HACE1: variants seen among roughly 807,000 people sequenced by gnomAD.
HACE1 encodes E3 ubiquitin-protein ligase HACE1.
Under a neutral mutation model 118.4 loss-of-function variants are expected in HACE1, and 73 were observed. That is an observed-to-expected ratio of 0.62 (90% CI 0.51 to 0.75). The LOEUF is 0.75. Ranked by LOEUF, HACE1 falls within the 30% of genes least tolerant of loss-of-function variation. The probability of loss-of-function intolerance (pLI) is 0.00; values close to 1 mark genes in which losing one functional copy is unlikely to be tolerated. For missense variants in HACE1, 749 were observed against 1,102.2 expected, an observed-to-expected ratio of 0.68 and a Z score of 4.54; for synonymous variants, 368 against 374.8, an observed-to-expected ratio of 0.98 and a Z score of 0.21.
chr6:104,746,120 A>C (rs1022576134), intron 20 of HACE1, among the ~76,000 whole-genome samples: 1 of 152,250 alleles, frequency 6.6e-6, no homozygotes, highest in Non-Finnish European at 1.5e-5. Context: ...TTAGTTTTTC[A>C]AATGTTCTCT....
chr6:104,809,432 T>G (rs1029276445), intron 7 of HACE1, among the ~76,000 whole-genome samples: 2 of 152,086 alleles, frequency 1.3e-5, no homozygotes, highest in African/African-American at 4.8e-5. Flanking sequence ...GAAGAACATT[T>G]CAGGCAAAAC....
At chr6:104,783,967 T>C (rs1453896701) in intron 14 of HACE1, 119 bp downstream of exon 14, 1 of 692,372 alleles carries the variant, frequency 1.4e-6, no homozygotes, top group South Asian at 1.6e-5. Context: ...TAAAGTAACA[T>C]GCAATCATTC....
chr6:104,768,672 T>C (rs541577978), intron 19 of HACE1, among the ~76,000 whole-genome samples: 1 of 152,228 alleles, frequency 6.6e-6, no homozygotes, highest in African/African-American at 2.4e-5. Context: ...ATAACATTAA[T>C]AATCAAGACC....
At chr6:104,754,877 A>G (rs990610948) in intron 19 of HACE1, among the ~76,000 whole-genome samples, 3 of 152,130 alleles carry the variant, frequency 2.0e-5, no homozygotes, top group African/African-American at 7.2e-5. Context: ...AACCACATAA[A>G]CCAAGCCTGC....
intron 7 of HACE1, among the ~76,000 whole-genome samples, chr6:104,802,246 A>T (rs756615777): frequency 3.9e-5 from 6 of 152,212 alleles, no homozygotes; most frequent in Non-Finnish European, 5.9e-5. Context: ...AAAGAGACTT[A>T]GACTCCCACA....
In HACE1 at chr6:104,785,102, A is replaced by T; in HGVS notation, c.1292T>A (p.Leu431His). 3 of 1,614,010 alleles carry T rather than the reference A, an allele frequency of 1.9e-6. No individual in the cohort carries two copies. Among genetic ancestry groups the T allele is most frequent in the Non-Finnish European group, 2.5e-6 (3 of 1,179,912 alleles). Reference sequence around the variant, plus strand: ...TGCACTGGCTTCCTGTCTCCCTGCAAGAGCATCTGGTTTAGATTCCCTTGT... The same window carrying T: ...TGCACTGGCTTCCTGTCTCCCTGCATGAGCATCTGGTTTAGATTCCCTTGT... ...TGTRESKPDA[L>H]AGRQEASADC... Residue 431 changes from leucine (L) to histidine (H), a missense_variant, in exon 12 of 24, where the codon CTT becomes CAT. Leu to His is a moderately conservative substitution (Grantham distance 99, BLOSUM62 -3). Transcript: ENST00000262903.
chr6:104,826,555 A>G (rs1047899147), intron 6 of HACE1, among the ~76,000 whole-genome samples: 1 of 152,232 alleles, frequency 6.6e-6, no homozygotes, highest in Non-Finnish European at 1.5e-5. Context: ...GTGATTTACA[A>G]TGATGGTCAT....
At chr6:104,854,695 C>T (rs1423975524) in intron 1 of HACE1, among the ~76,000 whole-genome samples, 4 of 151,764 alleles carry the variant, frequency 2.6e-5, no homozygotes, top group Non-Finnish European at 5.9e-5. Flanking sequence ...CAAGATAATA[C>T]AATATTACTG....
chr6:104,780,083 T>G (rs977473545), intron 14 of HACE1, among the ~76,000 whole-genome samples: 3 of 152,156 alleles, frequency 2.0e-5, no homozygotes, highest in Non-Finnish European at 2.9e-5. Flanking sequence ...TAGATACTGT[T>G]CTTATTATCA....
intron 7 of HACE1, among the ~76,000 whole-genome samples, chr6:104,809,811 T>C (rs1771408038): frequency 1.3e-5 from 2 of 151,782 alleles, no homozygotes; most frequent in South Asian, 4.2e-4. Flanking sequence ...GAAGTTCAGA[T>C]TCCGAACATA....
intron 22 of HACE1, among the ~76,000 whole-genome samples, chr6:104,734,899 T>C (rs1257319604): frequency 6.6e-6 from 1 of 152,118 alleles, no homozygotes; most frequent in Non-Finnish European, 1.5e-5. Flanking sequence ...ATGGGGAAAA[T>C]ATAGTAATTC....
intron 7 of HACE1, among the ~76,000 whole-genome samples, chr6:104,808,425 T>C (rs979261285): frequency 2.0e-5 from 3 of 152,154 alleles, no homozygotes; most frequent in African/African-American, 4.8e-5. Context: ...AGCACTTCCA[T>C]TTCACAAACA....
intron 5 of HACE1, among the ~76,000 whole-genome samples, chr6:104,835,396 T>C (rs902250525): frequency 1.3e-5 from 2 of 152,070 alleles, no homozygotes; most frequent in Non-Finnish European, 2.9e-5. Flanking sequence ...AACATACTGA[T>C]TGCATCCCTG....
At chr6:104,771,900 T>C (rs1780652332) in intron 18 of HACE1, 25 bp downstream of exon 18, 2 of 1,491,860 alleles carry the variant, frequency 1.3e-6, no homozygotes, top group Admixed American at 1.7e-5. Context: ...AATAAATGTC[T>C]GCAGAAATAA....
intron 6 of HACE1, among the ~76,000 whole-genome samples, chr6:104,827,477 T>C (rs1247548525): frequency 6.6e-6 from 1 of 152,156 alleles, no homozygotes; most frequent in Non-Finnish European, 1.5e-5. Context: ...TTTGAATTCT[T>C]ACATAGTATC....
At chr6:104,769,872 G>T (rs1420477665) in intron 19 of HACE1, among the ~76,000 whole-genome samples, 1 of 151,962 alleles carries the variant, frequency 6.6e-6, no homozygotes, top group Non-Finnish European at 1.5e-5. Context: ...AGTATCTTAA[G>T]TTTCAAAAGG....
intron 5 of HACE1, among the ~76,000 whole-genome samples, chr6:104,841,703 T>C (rs1775134499): frequency 6.6e-6 from 1 of 152,156 alleles, no homozygotes; most frequent in South Asian, 2.1e-4. Context: ...AAATATTCAA[T>C]ATTATTCTTT....
At chr6:104,848,321 T>G (rs1775863252) in intron 4 of HACE1, among the ~76,000 whole-genome samples, 1 of 151,422 alleles carries the variant, frequency 6.6e-6, no homozygotes, top group Admixed American at 6.6e-5. Flanking sequence ...CTGGACGTGG[T>G]GGCACGTGCC....
intron 7 of HACE1, among the ~76,000 whole-genome samples, chr6:104,810,980 T>TA (rs1582593534): frequency 6.6e-6 from 1 of 151,878 alleles, no homozygotes; most frequent in African/African-American, 2.4e-5. Context: ...AATAAGTACT[T>TA]AGTCTAAAAT....
Sources: allele counts gnomAD v4.1 joint callset (sites outside exome capture counted in the v4.1 genomes callset), GRCh38; gene constraint gnomAD v4.1.1; transcripts MANE v1.5; gene names NCBI Gene and HGNC (gene_info 2026-07-23, HGNC 2026-07-21).